IFTAP: variants seen among roughly 807,000 people sequenced by gnomAD.
IFTAP encodes the protein intraflagellar transport associated protein.
A neutral mutation model predicts 19.4 loss-of-function variants in IFTAP; 19 were observed. The ratio of observed to expected loss-of-function variants is 0.98; its 90% CI spans 0.68 to 1.44. The LOEUF is 1.44. Ranked by LOEUF, IFTAP falls within the 40% of genes most tolerant of loss-of-function variation. The pLI is 0.00. For missense variants in IFTAP, 240 were observed against 253.6 expected (o/e 0.95, Z 0.36); for synonymous variants, 85 against 83.5 (o/e 1.02, Z -0.10).
chr11:36,613,908 TTGAG>T (rs1412576773), intron 2 of IFTAP, among the ~76,000 whole-genome samples: 2 of 145,154 alleles, frequency 1.4e-5, no homozygotes, highest in Non-Finnish European at 3.0e-5. Context: ...TTTGTTGTTG[TTGAG>T]TTTTCTTTTT....
At chr11:36,628,566 T>G (rs1283830133) in intron 2 of IFTAP, among the ~76,000 whole-genome samples, 1 of 151,278 alleles carries the variant, frequency 6.6e-6, no homozygotes, top group Non-Finnish European at 1.5e-5. Context: ...AAGGACTGAG[T>G]CTTAACTGTC....
At chr11:36,603,690 G>A (rs1254784193) in intron 1 of IFTAP, among the ~76,000 whole-genome samples, 2 of 152,298 alleles carry the variant, frequency 1.3e-5, no homozygotes, top group African/African-American at 2.4e-5. Context: ...GGGAGGCCGA[G>A]GTGGGCGGAT....
intron 3 of IFTAP, 142 bp from the exon 4 acceptor site, chr11:36,635,909 C>T: frequency 4.5e-6 from 3 of 662,532 alleles, no homozygotes; most frequent in Non-Finnish European, 8.1e-6. Flanking sequence ...ACACAAAAGC[C>T]TTGAGCTGGG....
intron 4 of IFTAP, among the ~76,000 whole-genome samples, chr11:36,642,446 C>T (rs555605555): frequency 1.2e-4 from 19 of 152,164 alleles, no homozygotes; most frequent in Non-Finnish European, 2.8e-4. Context: ...GAGCTGGTAC[C>T]ATTCCTTCTG....
At chr11:36,655,517 C>G (rs1253154004) in intron 5 of IFTAP, among the ~76,000 whole-genome samples, 1 of 152,106 alleles carries the variant, frequency 6.6e-6, no homozygotes, top group Non-Finnish European at 1.5e-5. Flanking sequence ...AACACAGTGA[C>G]TAGAATTTAA....
At chr11:36,616,120 G>C (rs1852076646) in intron 2 of IFTAP, among the ~76,000 whole-genome samples, 1 of 151,900 alleles carries the variant, frequency 6.6e-6, no homozygotes, top group Non-Finnish European at 1.5e-5. Flanking sequence ...TAACTGTCGG[G>C]AGTTACAGTA....
chr11:36,644,975 G>A (rs2133501299), intron 4 of IFTAP, among the ~76,000 whole-genome samples: 1 of 150,032 alleles, frequency 6.7e-6, no homozygotes, highest in East Asian at 1.9e-4. Flanking sequence ...TTGTGCACAT[G>A]TACCCTAGAA....
At chr11:36,643,352 T>C (rs1419179815) in intron 4 of IFTAP, among the ~76,000 whole-genome samples, 4 of 152,062 alleles carry the variant, frequency 2.6e-5, no homozygotes, top group African/African-American at 4.8e-5. Flanking sequence ...TAAAAGAGGA[T>C]ACAAACAAAT....
At chr11:36,606,339 T>A (rs1325864020) in intron 1 of IFTAP, among the ~76,000 whole-genome samples, 1 of 152,138 alleles carries the variant, frequency 6.6e-6, no homozygotes, top group Non-Finnish European at 1.5e-5. Flanking sequence ...GGCAGGCGCC[T>A]GTAATCCCAG....
chr11:36,634,319 T>A (rs1852853248), intron 3 of IFTAP, among the ~76,000 whole-genome samples: 1 of 152,134 alleles, frequency 6.6e-6, no homozygotes, highest in South Asian at 2.1e-4. Flanking sequence ...CAGAGGTTCA[T>A]TGGGATGGGA....
At chr11:36,644,536 A>C (rs2133499203) in intron 4 of IFTAP, among the ~76,000 whole-genome samples, 1 of 152,322 alleles carries the variant, frequency 6.6e-6, no homozygotes, top group Non-Finnish European at 1.5e-5. Flanking sequence ...GCTGCTATAA[A>C]GACACATGCA....
intron 1 of IFTAP, among the ~76,000 whole-genome samples, chr11:36,605,286 C>G (rs966670979): frequency 6.7e-6 from 1 of 148,696 alleles, no homozygotes; most frequent in African/African-American, 2.6e-5. Flanking sequence ...CCCTGCCCCC[C>G]CACTTTTTTT....
At chr11:36,649,578 T>G (rs1459662007) in intron 5 of IFTAP, among the ~76,000 whole-genome samples, 1 of 152,238 alleles carries the variant, frequency 6.6e-6, no homozygotes, top group Admixed American at 6.5e-5. Context: ...TCTAGTACAA[T>G]TATAGAAATT....
intron 1 of IFTAP, chr11:36,598,243 G>A (rs1019954487): frequency 6.6e-6 from 1 of 152,044 alleles, no homozygotes; most frequent in African/African-American, 2.4e-5. Context: ...GAGTGTGTAT[G>A]TGTGCCTACA....
At chr11:36,635,928 G>A in intron 3 of IFTAP, 123 bp from the exon 4 acceptor site, 1 of 698,160 alleles carries the variant, frequency 1.4e-6, no homozygotes, top group Non-Finnish European at 2.6e-6. Flanking sequence ...GGACTCAAGA[G>A]TTAATGAGAA....
chr11:36,651,125 C>CT (rs1853705885), intron 5 of IFTAP, among the ~76,000 whole-genome samples: 1 of 152,092 alleles, frequency 6.6e-6, no homozygotes, highest in Non-Finnish European at 1.5e-5. Flanking sequence ...GCTGAGGAGT[C>CT]GCCACACTGT....
At chr11:36,632,377 C>A (rs1852761418) in intron 2 of IFTAP, among the ~76,000 whole-genome samples, 1 of 151,096 alleles carries the variant, frequency 6.6e-6, no homozygotes, top group Non-Finnish European at 1.5e-5. Context: ...AGATTTTAAC[C>A]TACATTTGCA....
intron 1 of IFTAP, among the ~76,000 whole-genome samples, chr11:36,607,670 C>T (rs570453919): frequency 1.3e-5 from 2 of 151,820 alleles, no homozygotes; most frequent in South Asian, 2.1e-4. Context: ...TGTAATCCCC[C>T]CTTTTCTTTT....
intron 1 of IFTAP, among the ~76,000 whole-genome samples, chr11:36,609,551 A>G (rs1160931655): frequency 6.6e-6 from 1 of 152,108 alleles, no homozygotes; most frequent in Non-Finnish European, 1.5e-5. Context: ...CACCCGATGA[A>G]TAGAGTGACA....
Sources: gnomAD v4.1 joint callset for allele counts (sites outside exome capture counted in the v4.1 genomes callset) on GRCh38, gnomAD v4.1.1 for gene constraint, MANE v1.5 for transcripts, NCBI Gene and HGNC (gene_info 2026-07-23, HGNC 2026-07-21) for gene names.